The following RANBP2 variants were observed in gnomAD, a reference collection of about 807,000 sequenced individuals.
RANBP2 encodes the protein RAN binding protein 2.
RANBP2 carries 57 observed loss-of-function variants against 303.6 expected under a neutral mutation model. The ratio of observed to expected loss-of-function variants is 0.19; its 90% CI spans 0.15 to 0.23. RANBP2 has a LOEUF of 0.23. Among genes scored for constraint, RANBP2 ranks in the 10% least tolerant of loss-of-function variants. The pLI is 1.00. For synonymous variants in RANBP2, 1,167 were observed against 1,301.5 expected (o/e 0.90, Z 2.23); for missense variants, 3,138 against 3,780.8 (o/e 0.83, Z 4.46).
chr2:109,170,786 C>T, the RANBP2 span, among the ~76,000 whole-genome samples: 2 of 152,222 alleles, frequency 1.3e-5, no homozygotes, highest in Admixed American at 1.3e-4. Context: ...ATCTGTTTCT[C>T]TCAGGAAGCT....
the RANBP2 span, among the ~76,000 whole-genome samples, chr2:109,620,942 C>T: frequency 6.6e-6 from 1 of 152,142 alleles, no homozygotes; most frequent in Non-Finnish European, 1.5e-5. Flanking sequence ...AACATTCAGC[C>T]TTTGGAAATG....
the RANBP2 span, among the ~76,000 whole-genome samples, chr2:109,175,251 G>A: frequency 3.3e-5 from 5 of 152,122 alleles, no homozygotes; most frequent in Admixed American, 1.3e-4. Flanking sequence ...TCCTTGCCTG[G>A]CACTTGTACT....
At chr2:109,007,373 G>A in the RANBP2 span, among the ~76,000 whole-genome samples, 1 of 152,228 alleles carries the variant, frequency 6.6e-6, no homozygotes, top group East Asian at 1.9e-4. Flanking sequence ...GTGTATGGCT[G>A]TTTGACTTAG....
chr2:109,649,209 C>T, the RANBP2 span, among the ~76,000 whole-genome samples: 1 of 152,142 alleles, frequency 6.6e-6, no homozygotes, highest in South Asian at 2.1e-4. Context: ...TTCATCAAAG[C>T]TGGTAAAAGC....
the RANBP2 span, among the ~76,000 whole-genome samples, chr2:109,733,356 A>G: frequency 6.6e-6 from 1 of 152,230 alleles, no homozygotes; most frequent in Admixed American, 6.5e-5. Context: ...ACATGGAAAA[A>G]GCATTTGAGG....
chr2:109,319,949 C>T, the RANBP2 span, among the ~76,000 whole-genome samples: 1 of 152,212 alleles, frequency 6.6e-6, no homozygotes, highest in Non-Finnish European at 1.5e-5. Flanking sequence ...GAACGAGCTG[C>T]TGTGAGAAGT....
chr2:109,681,473 G>T, the RANBP2 span, among the ~76,000 whole-genome samples: 1 of 152,248 alleles, frequency 6.6e-6, no homozygotes, highest in Non-Finnish European at 1.5e-5. Flanking sequence ...TGGAGGTGGG[G>T]ATAGATGTTT....
the RANBP2 span, among the ~76,000 whole-genome samples, chr2:109,199,602 T>TCAAC: frequency 0.018 from 6 of 338 alleles, no homozygotes; most frequent in Admixed American, 0.031. Context: ...TGGAATGGAA[T>TCAAC]GGAATGGAAT....
the RANBP2 span, among the ~76,000 whole-genome samples, chr2:109,090,061 C>A: frequency 1.3e-5 from 2 of 152,058 alleles, no homozygotes; most frequent in South Asian, 2.1e-4. Context: ...AAGGAGCAGC[C>A]TAAACGACCT....
At chr2:109,115,798 C>T in the RANBP2 span, among the ~76,000 whole-genome samples, 2 of 152,156 alleles carry the variant, frequency 1.3e-5, no homozygotes, top group South Asian at 2.1e-4. Context: ...TTAGTGCTTC[C>T]TTCAGGAGCT....
At chr2:109,135,896 A>G in the RANBP2 span, among the ~76,000 whole-genome samples, 1 of 151,992 alleles carries the variant, frequency 6.6e-6, no homozygotes, top group Non-Finnish European at 1.5e-5. Flanking sequence ...CTAAGCCATA[A>G]TCTGCTTTAA....
At chr2:109,251,940 A>G in the RANBP2 span, among the ~76,000 whole-genome samples, 3 of 152,150 alleles carry the variant, frequency 2.0e-5, no homozygotes, top group Non-Finnish European at 4.4e-5. Context: ...GTACCCCCCA[A>G]ATAAAACAAG....
At chr2:109,377,022 G>A in the RANBP2 span, among the ~76,000 whole-genome samples, 1 of 152,258 alleles carries the variant, frequency 6.6e-6, no homozygotes, top group South Asian at 2.1e-4. Context: ...GGAACAGAGA[G>A]CCGCTCAGAG....
At position 108,785,705 on chromosome 2, in the gene RANBP2, T is replaced by C. The variant is rs187588081; in HGVS notation, c.*1804T>C. 2.7e-3 allele frequency: 418 copies of C among 152,376 alleles called. 3 individuals carry two copies. The highest frequency in any genetic ancestry group is 9.7e-3 in the African/African-American group (405 of 41,586). The allele number at this position is 152,376 out of a possible 1,614,324, so 9.4% of individuals were successfully genotyped here. A position where few individuals can be genotyped will look rare whatever the true frequency, so the allele number is the denominator to read the frequency against. Reference sequence around the variant, plus strand: ...TGATTTCTCTTTGTTATTTAATCACTGATGTGGTCTAAACCCACGATAATA... The same window carrying C: ...TGATTTCTCTTTGTTATTTAATCACCGATGTGGTCTAAACCCACGATAATA... On this transcript the variant is annotated 3_prime_UTR_variant, in exon 29 of 29. Transcript: ENST00000283195.
chr2:109,686,111 G>A, the RANBP2 span, among the ~76,000 whole-genome samples: 1 of 151,904 alleles, frequency 6.6e-6, no homozygotes, highest in South Asian at 2.1e-4. Context: ...AGGTGGTTTC[G>A]CCATTTTGCT....
At chr2:108,832,446 C>T in the RANBP2 span, among the ~76,000 whole-genome samples, 1 of 148,860 alleles carries the variant, frequency 6.7e-6, no homozygotes, top group Admixed American at 6.8e-5. Context: ...CTCCCAAGTT[C>T]AAGCGATTCT....
chr2:109,473,003 T>C, the RANBP2 span, among the ~76,000 whole-genome samples: 1 of 152,184 alleles, frequency 6.6e-6, no homozygotes, highest in African/African-American at 2.4e-5. Context: ...TTTCCTACCT[T>C]AGTGAAAAGA....
the RANBP2 span, among the ~76,000 whole-genome samples, chr2:108,954,945 A>C: frequency 6.6e-6 from 1 of 151,994 alleles, no homozygotes; most frequent in African/African-American, 2.4e-5. Flanking sequence ...CAGCCTCCCA[A>C]AGTGCTGGGA....
chr2:108,937,561 T>G, the RANBP2 span, among the ~76,000 whole-genome samples: 4 of 144,732 alleles, frequency 2.8e-5, no homozygotes, highest in Admixed American at 2.7e-4. Flanking sequence ...GAATGTTATG[T>G]GTGTGTGTAT....
Sources: gnomAD v4.1 joint callset for allele counts (sites outside exome capture counted in the v4.1 genomes callset) on GRCh38, gnomAD v4.1.1 for gene constraint, MANE v1.5 for transcripts, NCBI Gene and HGNC (gene_info 2026-07-23, HGNC 2026-07-21) for gene names.